Variants in CARM1 observed in about 807,000 individuals in gnomAD.
CARM1 encodes the protein coactivator associated arginine methyltransferase 1, also known as histone-arginine methyltransferase CARM1.
In CARM1, 14 loss-of-function variants were observed where a neutral mutation model predicts 72.7. The ratio of observed to expected loss-of-function variants is 0.19; its 90% CI spans 0.13 to 0.30. The LOEUF is 0.30. Ranked by LOEUF, CARM1 falls within the 10% of genes least tolerant of loss-of-function variation. The pLI, the probability that CARM1 is intolerant of heterozygous loss-of-function variation, is 1.00. For missense variants in CARM1, 432 were observed against 833.7 expected (o/e 0.52, Z 5.93); for synonymous variants, 333 against 345.5 (o/e 0.96, Z 0.40).
chr19:10,872,396 G>A (rs925905106), intron 1 of CARM1, among the ~76,000 whole-genome samples: 1 of 152,156 alleles, frequency 6.6e-6, no homozygotes, highest in Non-Finnish European at 1.5e-5. Flanking sequence ...GCTCAGGACG[G>A]TTGGAAAGTG....
chr19:10,916,919 G>GTC lies in CARM1; in HGVS notation c.1020+143_1020+144dup. 1 of 613,100 alleles carries GTC rather than the reference G, an allele frequency of 1.6e-6. No individual in the cohort carries two copies. Among genetic ancestry groups the GTC allele is most frequent in the Non-Finnish European group, 2.9e-6 (1 of 343,882 alleles). 38.0% of individuals were successfully genotyped at this position (613,100 alleles called of 1,614,324 possible). A position where few individuals can be genotyped will look rare whatever the true frequency, so the allele number is the denominator to read the frequency against. Reference sequence around the variant, plus strand: ...TCTCACAGAGATTTGGGCCAAAAGTGTCAATGCATGTAGACACTTAGCACA... The same window carrying GTC: ...TCTCACAGAGATTTGGGCCAAAAGTGTCTCAATGCATGTAGACACTTAGCACA... On this transcript the variant is annotated intron_variant, in intron 8 of 15. Transcript: ENST00000327064. The surrounding 1 kb of genome is among the most constrained non-coding windows in gnomAD (Gnocchi z 4.4).
chr19:10,920,123 GGTGTGTGTGTGTGTGTGTGTATGTGT>G lies in CARM1; in HGVS notation c.1196+166_1196+191del, dbSNP rs1190112014. Among the ~76,000 whole-genome samples the G allele has an allele frequency of 2.7e-5, 4 of 149,934 alleles. No individual in the cohort carries two copies. The highest frequency in any genetic ancestry group is 5.9e-5 in the Non-Finnish European group (4 of 67,334). ...CGGAGCAAGAGACTGTTGTGGGTGGGGTGTGTGTGTGTGTGTGTGTATGTGTGTGTGTGTCCTGTGTTCCCAGTGTC... is the reference window on the plus strand; with the variant it reads ...CGGAGCAAGAGACTGTTGTGGGTGGGGTGTGTGTCCTGTGTTCCCAGTGTC... On this transcript the variant is annotated intron_variant, in intron 10 of 15. Transcript: ENST00000327064. The surrounding 1 kb of genome is among the most constrained non-coding windows in gnomAD (Gnocchi z 5.3).
chr19:10,882,426 G>A (rs972623232), intron 1 of CARM1, among the ~76,000 whole-genome samples: 1 of 152,062 alleles, frequency 6.6e-6, no homozygotes, highest in African/African-American at 2.4e-5. Context: ...TCGGTGAGTG[G>A]CTTCCCTGGT....
chr19:10,894,413 C>T (rs1352343921), intron 1 of CARM1, among the ~76,000 whole-genome samples: 6 of 151,890 alleles, frequency 4.0e-5, no homozygotes, highest in Admixed American at 2.0e-4. Context: ...CACGGGGGGT[C>T]GGGGTGTCTC....
At chr19:10,883,879 G>A (rs1305221682) in intron 1 of CARM1, among the ~76,000 whole-genome samples, 3 of 151,878 alleles carry the variant, frequency 2.0e-5, no homozygotes, top group Non-Finnish European at 4.4e-5. Flanking sequence ...TTAGCTGGGC[G>A]CGGTGGTGTG....
At position 10,921,678 on chromosome 19, in the gene CARM1, A is replaced by C. The variant is rs756002867; in HGVS notation, c.1748A>C (p.Gln583Pro). The change falls in exon 16 of 16, where the codon CAG becomes CCG. Residue 583 changes from glutamine to proline, a missense_variant. Gln to Pro is a moderately conservative substitution (Grantham distance 76). Coordinates refer to ENST00000327064, the MANE Select transcript of CARM1 (RefSeq NM_199141.2). ...STSAHYAVNS[Q>P]FTMGGPAISM... ...AGTGCCCACTATGCAGTCAACAGCC[A>C]GTTCACCATGGGCGGCCCCGCCATC... 6.2e-7 allele frequency: 1 copy of C among 1,613,536 alleles called. No homozygotes were observed.
At chr19:10,895,968 GGAGA>G (rs2074020900) in intron 1 of CARM1, among the ~76,000 whole-genome samples, 1 of 152,160 alleles carries the variant, frequency 6.6e-6, no homozygotes, top group Admixed American at 6.5e-5. Context: ...ATCTTGACCG[GGAGA>G]GAGTGTTGAA....
chr19:10,899,406 C>T (rs1025503539), intron 1 of CARM1, among the ~76,000 whole-genome samples: 3 of 152,224 alleles, frequency 2.0e-5, no homozygotes, highest in African/African-American at 2.4e-5. Context: ...TGCCCCAGGA[C>T]GGGTATGAGT....
Position 10,912,184 on chromosome 19 carries a change from A to G in CARM1, c.559A>G (p.Ile187Val), listed in dbSNP as rs549040186. The G allele has an allele frequency of 1.2e-6, 2 of 1,613,608 alleles. No individual in the cohort carries two copies. The highest frequency in any genetic ancestry group is 1.7e-6 in the Non-Finnish European group (2 of 1,179,566). Reference sequence around the variant, plus strand: ...CTCTCACCTCCCACTCCTCCCTCAGATCGTTCTTGATGTTGGCTGTGGCTC... The same window carrying G: ...CTCTCACCTCCCACTCCTCCCTCAGGTCGTTCTTGATGTTGGCTGTGGCTC... ...LQNHTDFKDK[I>V]VLDVGCGSGI... Residue 187 changes from isoleucine (I) to valine (V), a missense_variant and splice_region_variant, in exon 5 of 16, where the codon ATC becomes GTC. By Grantham distance (29) the Ile-to-Val change is conservative. Coordinates refer to ENST00000327064, the MANE Select transcript of CARM1 (RefSeq NM_199141.2). The surrounding 1 kb of genome is among the most constrained non-coding windows in gnomAD (Gnocchi z 4.5).
intron 5 of CARM1, among the ~76,000 whole-genome samples, chr19:10,913,571 T>C (rs912202941): frequency 6.6e-6 from 1 of 150,712 alleles, no homozygotes; most frequent in African/African-American, 2.4e-5. Flanking sequence ...TTTTTTTTGG[T>C]ATTTTTAGTA....
chr19:10,911,138 G>T (rs977903899), intron 4 of CARM1, among the ~76,000 whole-genome samples: 2 of 151,764 alleles, frequency 1.3e-5, no homozygotes, highest in African/African-American at 4.8e-5. Flanking sequence ...CAGTTCATCC[G>T]CCTCAGCCTC....
rs1396281380 is a variant in CARM1 at position 10,890,774 on chromosome 19, CATAT to C, written c.221-14158_221-14155del. Among the ~76,000 whole-genome samples the C allele has an allele frequency of 7.5e-3, 474 of 63,562 alleles. 30 individuals are homozygous for C. Among genetic ancestry groups the C allele is most frequent in the South Asian group, 0.012 (17 of 1,398 alleles). The allele number at this position is 63,562 out of a possible 152,430, so 41.7% of individuals were successfully genotyped here. On this transcript the variant is annotated intron_variant, in intron 1 of 15. Coordinates refer to ENST00000327064, the MANE Select transcript of CARM1 (RefSeq NM_199141.2). ...ATACACACACACATATACACACACA[CATAT>C]ATATATATATATATATATTTTTTTT...
chr19:10,917,112 T>C (rs2074203948), intron 8 of CARM1, among the ~76,000 whole-genome samples: 1 of 152,038 alleles, frequency 6.6e-6, no homozygotes. Flanking sequence ...ACTAGATGAA[T>C]TTATCCTTGG....
In CARM1 at chr19:10,921,714, C is replaced by T. The variant is rs775185209; in HGVS notation, c.1784C>T (p.Ser595Leu). The change falls in exon 16 of 16, where the codon TCG becomes TTG. Residue 595 changes from serine (S) to leucine (L), a missense_variant. Transcript: ENST00000327064. Reference protein sequence around the residue: ...TMGGPAISMASPMSIPTNTMH... With the variant: ...TMGGPAISMALPMSIPTNTMH... ...GGCGGCCCCGCCATCTCCATGGCGT[C>T]GCCCATGTCCATCCCGACCAACACC... The T allele has an allele frequency of 1.2e-5, 19 of 1,613,278 alleles. No individual in the cohort carries two copies. The highest frequency in any genetic ancestry group is 2.2e-5 in the South Asian group (2 of 91,028).
At chr19:10,908,869 G>A (rs1309012276) in intron 3 of CARM1, 7 of 417,450 alleles carry the variant, frequency 1.7e-5, no homozygotes, top group African/African-American at 6.3e-5. Context: ...AGGTCCAGGC[G>A]GCATCAGCTG....
rs546139896 is a variant in CARM1 at position 10,885,265 on chromosome 19, C to A, written c.220+13343C>A. Among the ~76,000 whole-genome samples, 5 of 152,358 alleles carry A rather than the reference C, an allele frequency of 3.3e-5. No individual in the cohort carries two copies. In the South Asian group the frequency reaches 6.2e-4, roughly 19 times the overall value. On this transcript the variant is annotated intron_variant, in intron 1 of 15. Transcript: ENST00000327064. ...GGGTTTGGGGGGCTCTGTGCCCCCC[C>A]ACCCCTGCCAGGAGAACCCCCTTTT... is the stretch of plus-strand genomic sequence containing the variant.
Position 10,921,651 on chromosome 19 carries a change from C to T in CARM1, c.1721C>T (p.Thr574Met), listed in dbSNP as rs139191688. ...SGAQGSGGGS[T>M]SAHYAVNSQF... ...GCCCAGGGCAGTGGTGGTGGCAGCA[C>T]GAGTGCCCACTATGCAGTCAACAGC... Residue 574 changes from threonine (T) to methionine (M), a missense_variant, in exon 16 of 16, where the codon ACG becomes ATG. Transcript: ENST00000327064. The T allele has an allele frequency of 5.6e-5, 90 of 1,613,306 alleles. No homozygotes were observed. Among genetic ancestry groups the T allele is most frequent in the African/African-American group, 9.3e-5 (7 of 74,930 alleles).
intron 1 of CARM1, among the ~76,000 whole-genome samples, chr19:10,874,635 T>C (rs749291726): frequency 4.4e-4 from 67 of 152,198 alleles, no homozygotes; most frequent in Middle Eastern, 6.8e-3. Context: ...CAAGTGATCC[T>C]CCCTCCTTGG....
At chr19:10,914,200 A>G in intron 6 of CARM1, 146 bp downstream of exon 6, 1 of 801,212 alleles carries the variant, frequency 1.2e-6, no homozygotes, top group Non-Finnish European at 1.9e-6. Context: ...TCCCACCCCA[A>G]CCCCACTCCA....
Sources: gnomAD v4.1 joint callset for allele counts (sites outside exome capture counted in the v4.1 genomes callset) on GRCh38, gnomAD v4.1.1 for gene constraint, Gnocchi (gnomAD v3.1) non-coding constraint, MANE v1.5 for transcripts, NCBI Gene and HGNC (gene_info 2026-07-23, HGNC 2026-07-21) for gene names.